CPSF6: variants seen among roughly 807,000 people sequenced by gnomAD.
CPSF6 encodes cleavage and polyadenylation specific factor 6, also known as cleavage and polyadenylation specificity factor subunit 6.
CPSF6 carries 10 observed loss-of-function variants against 56.7 expected under a neutral mutation model. The ratio of observed to expected loss-of-function variants is 0.18; its 90% CI spans 0.11 to 0.30. The LOEUF is 0.30. CPSF6 is among the 10% of genes least tolerant of loss of function. The pLI is 1.00. For synonymous variants in CPSF6, 248 were observed against 244.8 expected (o/e 1.01, Z -0.12); for missense variants, 419 against 722.9 (o/e 0.58, Z 4.82).
In CPSF6 at chr12:69,257,722, A is replaced by T; in HGVS notation, c.521-10A>T. 1 of 1,602,370 alleles carries T rather than the reference A, an allele frequency of 6.2e-7. No homozygotes were observed. The highest frequency in any genetic ancestry group is 2.2e-5 in the East Asian group (1 of 44,780). ...ATAAGTGCTATTTATGAGTATTTGG[A>T]TATTTGCAGCTACACAATCAGGACA... On this transcript the variant is annotated splice_polypyrimidine_tract_variant and intron_variant, in intron 4 of 9. Coordinates refer to ENST00000435070, the MANE Select transcript of CPSF6 (RefSeq NM_007007.3).
intron 1 of CPSF6, among the ~76,000 whole-genome samples, chr12:69,248,733 T>A (rs1477303876): frequency 6.6e-6 from 1 of 152,222 alleles, no homozygotes; most frequent in Non-Finnish European, 1.5e-5. Flanking sequence ...TTTAGCTTTG[T>A]TCTCTGATTT....
In CPSF6 at chr12:69,270,780, G is replaced by A. The variant is rs75221080; in HGVS notation, c.*1272G>A. The A allele has an allele frequency of 6.6e-6, 1 of 151,720 alleles. No individual in the cohort carries two copies. The highest frequency in any genetic ancestry group is 2.4e-5 in the African/African-American group (1 of 41,420). The allele number at this position is 151,720 out of a possible 1,614,324, so 9.4% of individuals were successfully genotyped here. A position where few individuals can be genotyped will look rare whatever the true frequency, so the allele number is the denominator to read the frequency against. On this transcript the variant is annotated 3_prime_UTR_variant, in exon 10 of 10. Coordinates refer to ENST00000435070, the MANE Select transcript of CPSF6 (RefSeq NM_007007.3). ...AAGCACCTGACTAGCATGTGTTCTT[G>A]ATTGCAAAATTGGCAGAGGCAGGGT...
At chr12:69,248,796 C>T (rs1026064614) in intron 1 of CPSF6, among the ~76,000 whole-genome samples, 5 of 152,050 alleles carry the variant, frequency 3.3e-5, no homozygotes, top group South Asian at 2.1e-4. Flanking sequence ...CATTCTACCT[C>T]GTAACAAGTA....
chr12:69,259,140 G>A (rs1229184202), intron 6 of CPSF6, 46 bp downstream of exon 6: 4 of 1,532,568 alleles, frequency 2.6e-6, no homozygotes, highest in Non-Finnish European at 3.5e-6. Context: ...TAAAAGATAG[G>A]AACAATGACT....
In CPSF6 at chr12:69,251,148, A is replaced by G; in HGVS notation, c.80A>G (p.His27Arg). 6.2e-7 allele frequency: 1 copy of G among 1,611,958 alleles called. No individual in the cohort carries two copies. The highest frequency in any genetic ancestry group is 8.5e-7 in the Non-Finnish European group (1 of 1,178,876). Residue 27 changes from histidine to arginine, a missense_variant, in exon 2 of 10, where the codon CAT (histidine) becomes CGT (arginine). Physicochemically the swap from His to Arg is conservative, Grantham distance 29. This residue lies in a region of CPSF6 where 125 missense variants were observed against 216.4 expected (regional missense o/e 0.58). Transcript: ENST00000435070. ...EFNQEAEYGG[H>R]DQIDLYDDVI... Reference sequence around the variant, plus strand: ...TCTCAGGAAGCTGAATATGGTGGGCATGATCAGATAGATTTGTATGACGAT... The same window carrying G: ...TCTCAGGAAGCTGAATATGGTGGGCGTGATCAGATAGATTTGTATGACGAT...
At chr12:69,254,135 G>C (rs1454891515) in intron 3 of CPSF6, among the ~76,000 whole-genome samples, 1 of 151,864 alleles carries the variant, frequency 6.6e-6, no homozygotes, top group East Asian at 1.9e-4. Flanking sequence ...TTCCTAACTG[G>C]AAGTATAGAC....
intron 9 of CPSF6, among the ~76,000 whole-genome samples, chr12:69,269,285 A>G (rs1021219125): frequency 6.6e-5 from 10 of 151,912 alleles, no homozygotes; most frequent in African/African-American, 2.2e-4. Context: ...TTATAAGGCA[A>G]TAATATTTAA....
At chr12:69,242,964 C>G (rs529288490) in intron 1 of CPSF6, among the ~76,000 whole-genome samples, 1 of 151,942 alleles carries the variant, frequency 6.6e-6, no homozygotes, top group Non-Finnish European at 1.5e-5. Flanking sequence ...AAAAATTGGC[C>G]GAGTATGGTG....
chr12:69,240,138 C>T (rs1871531667), intron 1 of CPSF6, among the ~76,000 whole-genome samples: 1 of 151,822 alleles, frequency 6.6e-6, no homozygotes, highest in Non-Finnish European at 1.5e-5. Flanking sequence ...GCGTGCCCGC[C>T]GCCGCCGCCC....
chr12:69,247,059 A>G (rs1453821764), intron 1 of CPSF6, among the ~76,000 whole-genome samples: 1 of 152,236 alleles, frequency 6.6e-6, no homozygotes, highest in East Asian at 1.9e-4. Flanking sequence ...AGTTCATCCC[A>G]ATAGTGGTAT....
chr12:69,244,794 C>T (rs1256461211), intron 1 of CPSF6, among the ~76,000 whole-genome samples: 2 of 152,028 alleles, frequency 1.3e-5, no homozygotes, highest in Non-Finnish European at 2.9e-5. Context: ...TCCATCTCTG[C>T]ATCTTGTCCC....
chr12:69,250,649 T>G (rs1872196945), intron 1 of CPSF6, among the ~76,000 whole-genome samples: 1 of 59,094 alleles, frequency 1.7e-5, no homozygotes, highest in Non-Finnish European at 3.1e-5. Flanking sequence ...CTTTTTTTGT[T>G]TTTTTGTTTT....
chr12:69,241,686 C>T (rs1247486008), intron 1 of CPSF6, among the ~76,000 whole-genome samples: 1 of 152,120 alleles, frequency 6.6e-6, no homozygotes, highest in South Asian at 2.1e-4. Flanking sequence ...GTTTTGTGGA[C>T]CCAATGAGGA....
At position 69,273,077 on chromosome 12, in the gene CPSF6, T is replaced by A; in HGVS notation, c.*3569T>A. 3.0e-6 allele frequency: 1 copy of A among 336,574 alleles called. No individual in the cohort carries two copies. The highest frequency in any genetic ancestry group is 2.7e-5 in the South Asian group (1 of 36,672). The allele number at this position is 336,574 out of a possible 1,614,324, so 20.8% of individuals were successfully genotyped here. ...GTGTTCGTAATGTGAGATTTTTGAT[T>A]TAGATAAATCAAGATTCAGGATTAA... On this transcript the variant is annotated 3_prime_UTR_variant, in exon 10 of 10. Transcript: ENST00000435070.
intron 1 of CPSF6, among the ~76,000 whole-genome samples, chr12:69,240,809 C>T (rs761065971): frequency 2.1e-4 from 31 of 150,876 alleles, no homozygotes; most frequent in Non-Finnish European, 4.4e-4. Context: ...TAATGGGCAT[C>T]CTTGCAAAAG....
rs772929218 is a variant in CPSF6, at chr12:69,264,809, A to T, written c.*3+2247A>T. Among the ~76,000 whole-genome samples the T allele has an allele frequency of 3.3e-5, 5 of 152,142 alleles. No homozygotes were observed. The South Asian group carries it at 1.0e-3, about 31-fold the overall frequency. ...CAAGTAAATCTTTAAAACAAAAGCT[A>T]TCTGCAAATTTGATCACCATCATAA... is the stretch of plus-strand genomic sequence containing the variant. On this transcript the variant is annotated intron_variant, in intron 9 of 9. Transcript: ENST00000435070.
intron 1 of CPSF6, among the ~76,000 whole-genome samples, chr12:69,249,427 T>TCG (rs1872116766): frequency 0.012 from 2 of 164 alleles, no homozygotes; most frequent in Admixed American, 0.14. Flanking sequence ...TCTGGGTCAT[T>TCG]CTATCCATTT....
At position 69,239,620 on chromosome 12, in the gene CPSF6, G is replaced by C; in HGVS notation, c.-27G>C. ...GGGCAGACCTGCAGGAGGCGGCGGC[G>C]GCGGCGGCGGCCGAGGCTGAAGGAA... On this transcript the variant is annotated 5_prime_UTR_variant, in exon 1 of 10. Transcript: ENST00000435070. 2 of 1,553,530 alleles carry C rather than the reference G, an allele frequency of 1.3e-6. No individual in the cohort carries two copies. Among genetic ancestry groups the C allele is most frequent in the Non-Finnish European group, 8.7e-7 (1 of 1,152,814 alleles).
At chr12:69,259,279 T>C (rs1450203085) in intron 6 of CPSF6, 149 bp from the exon 7 acceptor site, 2 of 1,270,258 alleles carry the variant, frequency 1.6e-6, no homozygotes, top group Non-Finnish European at 2.1e-6. Context: ...GTTCTCTTTG[T>C]TGGAAAAGTA....
Sources: gnomAD v4.1 joint callset for allele counts (sites outside exome capture counted in the v4.1 genomes callset) on GRCh38, gnomAD v4.1.1 for gene constraint, gnomAD v4.1.1 regional missense constraint, MANE v1.5 for transcripts, NCBI Gene and HGNC (gene_info 2026-07-23, HGNC 2026-07-21) for gene names.